Variants in ZBBX observed in about 807,000 individuals in gnomAD.
ZBBX encodes the protein zinc finger B-box domain-containing protein 1.
In ZBBX, 101 loss-of-function variants were observed where a neutral mutation model predicts 108.5. The ratio of observed to expected loss-of-function variants is 0.93; its 90% CI spans 0.79 to 1.10. The LOEUF (loss-of-function observed/expected upper bound fraction) is 1.10, where lower values mean the gene tolerates loss of function less well. Among genes scored for constraint, ZBBX ranks in the 50% least tolerant of loss-of-function variants. ZBBX has a pLI of 0.00. For missense variants in ZBBX, 1,009 were observed against 941.4 expected (o/e 1.07, Z -0.94); for synonymous variants, 356 against 323.4 (o/e 1.10, Z -1.08).
chr3:167,352,940 C>A (rs1447570847), intron 8 of ZBBX, among the ~76,000 whole-genome samples: 2 of 152,098 alleles, frequency 1.3e-5, no homozygotes, highest in African/African-American at 2.4e-5. Context: ...ATGATAAAAA[C>A]CCTCAACGAC....
At chr3:167,281,791 T>A (rs1728855512) in intron 20 of ZBBX, among the ~76,000 whole-genome samples, 3 of 152,312 alleles carry the variant, frequency 2.0e-5, no homozygotes, top group African/African-American at 7.2e-5. Flanking sequence ...CAATCAGAAT[T>A]TTCATGGTGA....
downstream of ZBBX, among the ~76,000 whole-genome samples, chr3:167,238,640 T>C (rs750758830): frequency 6.6e-6 from 1 of 152,074 alleles, no homozygotes; most frequent in Non-Finnish European, 1.5e-5. Context: ...TCTGGAGTCA[T>C]GGCTACATTG....
At chr3:167,180,907 A>C in the ZBBX span, among the ~76,000 whole-genome samples, 1 of 152,208 alleles carries the variant, frequency 6.6e-6, no homozygotes, top group African/African-American at 2.4e-5. Context: ...AAGATCTGTC[A>C]ACATTCCCCA....
chr3:167,282,551 T>C (rs1284960074), intron 19 of ZBBX, 56 bp from the exon 20 acceptor site: 1 of 1,442,338 alleles, frequency 6.9e-7, no homozygotes, highest in Non-Finnish European at 9.5e-7. Context: ...GAATGAGTAC[T>C]TAAAGATACA....
At chr3:167,287,586 T>G (rs1292767001) in intron 19 of ZBBX, among the ~76,000 whole-genome samples, 1 of 152,170 alleles carries the variant, frequency 6.6e-6, no homozygotes, top group Non-Finnish European at 1.5e-5. Flanking sequence ...AAATTATTGA[T>G]TTTGACTGAT....
At chr3:167,305,539 T>G in intron 17 of ZBBX, 104 bp downstream of exon 17, 1 of 924,572 alleles carries the variant, frequency 1.1e-6, no homozygotes. Context: ...GCAGCACATT[T>G]TAACTTTAAT....
At chr3:167,335,214 T>C (rs535080747) in intron 9 of ZBBX, among the ~76,000 whole-genome samples, 1 of 152,150 alleles carries the variant, frequency 6.6e-6, no homozygotes, top group African/African-American at 2.4e-5. Context: ...TTATGGCTAC[T>C]ACAGTTTCTG....
chr3:167,244,248 G>A (rs1371542917), intron 20 of ZBBX, among the ~76,000 whole-genome samples: 1 of 152,072 alleles, frequency 6.6e-6, no homozygotes, highest in Admixed American at 6.5e-5. Context: ...TTAGCTTTAA[G>A]CTATTATCTT....
At position 167,349,589 on chromosome 3, in the gene ZBBX, A is replaced by G. The variant is rs541676425; in HGVS notation, c.528+831T>C. ...TTAGCATGTTCAGGTAAACGCAAAGATTGAAATCTACCAGTAATCTTTCTA... is the reference window on the plus strand; with the variant it reads ...TTAGCATGTTCAGGTAAACGCAAAGGTTGAAATCTACCAGTAATCTTTCTA... On this transcript the variant is annotated intron_variant, in intron 9 of 21. Transcript: ENST00000675490. Among the ~76,000 whole-genome samples the G allele has an allele frequency of 8.5e-5, 13 of 152,128 alleles. 1 individual carries two copies. In the South Asian group the frequency reaches 2.7e-3, roughly 32 times the overall value.
chr3:167,398,439 G>C (rs1260534107), intron 1 of ZBBX, among the ~76,000 whole-genome samples: 1 of 151,912 alleles, frequency 6.6e-6, no homozygotes, highest in African/African-American at 2.4e-5. Context: ...TATCTTCACT[G>C]CTTCAGAAAA....
intron 9 of ZBBX, among the ~76,000 whole-genome samples, chr3:167,338,746 A>C (rs923656122): frequency 2.6e-5 from 4 of 152,114 alleles, no homozygotes; most frequent in Non-Finnish European, 5.9e-5. Flanking sequence ...ATTTTATTTG[A>C]GTTTGTTAGA....
At chr3:167,331,670 C>T in intron 10 of ZBBX, 1 of 966,424 alleles carries the variant, frequency 1.0e-6, no homozygotes, top group Non-Finnish European at 1.2e-6. Flanking sequence ...ACTCAGAGTC[C>T]AATATGACCT....
chr3:167,187,380 A>G, the ZBBX span, among the ~76,000 whole-genome samples: 4 of 152,254 alleles, frequency 2.6e-5, no homozygotes, highest in African/African-American at 9.6e-5. Context: ...AGCTCATGGG[A>G]TATTGGTAGC....
intron 2 of ZBBX, among the ~76,000 whole-genome samples, chr3:167,379,131 C>T (rs952843145): frequency 4.6e-5 from 7 of 152,034 alleles, no homozygotes; most frequent in African/African-American, 1.7e-4. Context: ...AAATTAAACA[C>T]GCCCTCTTTC....
chr3:167,272,959 T>C (rs570007772), intron 20 of ZBBX, among the ~76,000 whole-genome samples: 2 of 152,208 alleles, frequency 1.3e-5, no homozygotes, highest in Non-Finnish European at 2.9e-5. Flanking sequence ...TAATCCCATA[T>C]ACATTTCTAT....
chr3:167,227,894 C>T, the ZBBX span, among the ~76,000 whole-genome samples: 17 of 151,746 alleles, frequency 1.1e-4, no homozygotes, highest in Admixed American at 5.3e-4. Flanking sequence ...GAACAAGGCA[C>T]GGGCTCACCA....
At chr3:167,339,009 A>G (rs1291257862) in intron 9 of ZBBX, among the ~76,000 whole-genome samples, 1 of 152,158 alleles carries the variant, frequency 6.6e-6, no homozygotes, top group African/African-American at 2.4e-5. Flanking sequence ...CTTCCTTCTC[A>G]TATCAAGAAT....
chr3:167,302,782 C>T (rs1044179353), intron 17 of ZBBX, among the ~76,000 whole-genome samples: 7 of 152,140 alleles, frequency 4.6e-5, no homozygotes, highest in African/African-American at 1.7e-4. Flanking sequence ...ATTCCCAGAA[C>T]CCAGTTTTCA....
chr3:167,373,918 G>A (rs1037153651), intron 2 of ZBBX, 131 bp from the exon 3 acceptor site: 1 of 152,116 alleles, frequency 6.6e-6, no homozygotes, highest in Admixed American at 6.5e-5. Flanking sequence ...TCAAACCTAT[G>A]ATGTTCAAGG....
Sources: gnomAD v4.1 joint callset for allele counts (sites outside exome capture counted in the v4.1 genomes callset) on GRCh38, gnomAD v4.1.1 for gene constraint, MANE v1.5 for transcripts, NCBI Gene and HGNC (gene_info 2026-07-23, HGNC 2026-07-21) for gene names.